USP6NL: variants seen among roughly 807,000 people sequenced by gnomAD.
The protein encoded by USP6NL is USP6 N-terminal like.
USP6NL carries 26 observed loss-of-function variants against 61.9 expected under a neutral mutation model. The observed-to-expected ratio is 0.42, with a 90% CI of 0.31 to 0.58. The LOEUF is 0.58. USP6NL is among the 20% of genes least tolerant of loss of function. USP6NL has a pLI of 0.16. For synonymous variants in USP6NL, 432 were observed against 390.1 expected, an observed-to-expected ratio of 1.11 and a Z score of -1.27; for missense variants, 1,114 against 1,034.3, an observed-to-expected ratio of 1.08 and a Z score of -1.06.
rs1035982697 is a variant in USP6NL, at chr10:11,540,469, T to C, written c.5-12902A>G. Among the ~76,000 whole-genome samples, 1 of 152,216 alleles carries C rather than the reference T, an allele frequency of 6.6e-6. No homozygotes were observed. The highest frequency in any genetic ancestry group is 1.5e-5 in the Non-Finnish European group (1 of 68,030). ...TCCCATGACTACAGAAAGGGCTCTATTGAATCTACTTCATTCACTTAGTTT... is the reference window on the plus strand; with the variant it reads ...TCCCATGACTACAGAAAGGGCTCTACTGAATCTACTTCATTCACTTAGTTT... On this transcript the variant is annotated intron_variant, in intron 2 of 14. Transcript: ENST00000609104. The surrounding 1 kb of genome is among the most constrained non-coding windows in gnomAD (Gnocchi z 5.0).
intron 8 of USP6NL, 57 bp downstream of exon 8, chr10:11,493,062 T>C: frequency 6.9e-7 from 1 of 1,459,294 alleles, no homozygotes; most frequent in Non-Finnish European, 9.4e-7. Flanking sequence ...TAATTTTAAG[T>C]TAATAAAGAC....
Position 11,596,720 on chromosome 10 carries a change from GA to G in USP6NL, c.4+910del, listed in dbSNP as rs1838341423. The stretch of plus-strand genomic sequence containing the variant: ...TACACTACCGAAAAAGTATACCACT[GA>G]AAAGTCAAAAATCAAAGACCGTTCC... On this transcript the variant is annotated intron_variant, in intron 2 of 14. Coordinates refer to ENST00000609104, the MANE Select transcript of USP6NL (RefSeq NM_014688.5). This position sits in a 1 kb window ranked among gnomAD's most constrained non-coding sequence, Gnocchi z 4.1. Among the ~76,000 whole-genome samples the G allele has an allele frequency of 6.6e-6, 1 of 151,760 alleles. No homozygotes were observed. Among genetic ancestry groups the G allele is most frequent in the Non-Finnish European group, 1.5e-5 (1 of 67,960 alleles).
In USP6NL at chr10:11,489,609, A is replaced by T. The variant is rs1010809091; in HGVS notation, c.544-387T>A. Among the ~76,000 whole-genome samples, 1 of 152,148 alleles carries T rather than the reference A, an allele frequency of 6.6e-6. No individual in the cohort carries two copies. Among genetic ancestry groups the T allele is most frequent in the African/African-American group, 2.4e-5 (1 of 41,420 alleles). On this transcript the variant is annotated intron_variant, in intron 9 of 14. Coordinates refer to ENST00000609104, the MANE Select transcript of USP6NL (RefSeq NM_014688.5). This position sits in a 1 kb window ranked among gnomAD's most constrained non-coding sequence, Gnocchi z 5.7. ...CAGTATGCTGTCTTGTCTCCTCTAG[A>T]TTTCTGAACCCTTAAGCAGACACAT...
At chr10:11,599,607 A>T (rs1471354832) in intron 1 of USP6NL, among the ~76,000 whole-genome samples, 2 of 152,166 alleles carry the variant, frequency 1.3e-5, no homozygotes, top group African/African-American at 4.8e-5. Context: ...TAAATAATGC[A>T]TGTTTTGGAA....
intron 1 of USP6NL, among the ~76,000 whole-genome samples, chr10:11,606,915 G>A (rs1227920093): frequency 2.0e-5 from 3 of 151,614 alleles, no homozygotes; most frequent in African/African-American, 4.8e-5. Flanking sequence ...CTCAGCCTCC[G>A]AGTAGCTGGG....
At chr10:11,530,378 C>T (rs1358532677) in intron 2 of USP6NL, among the ~76,000 whole-genome samples, 6 of 152,070 alleles carry the variant, frequency 3.9e-5, no homozygotes, top group Non-Finnish European at 7.4e-5. Context: ...GCAACATATC[C>T]CAAGAAAATG....
At position 11,595,114 on chromosome 10, in the gene USP6NL, C is replaced by T. The variant is rs1313453094; in HGVS notation, c.4+2517G>A. The stretch of plus-strand genomic sequence containing the variant: ...GCGTTAAGTCCCCGATGGCATTGTT[C>T]TTTCTCTGTAGCTTCCCCTTCTTCA... On this transcript the variant is annotated intron_variant, in intron 2 of 14. Coordinates refer to ENST00000609104, the MANE Select transcript of USP6NL (RefSeq NM_014688.5). The surrounding 1 kb of genome is among the most constrained non-coding windows in gnomAD (Gnocchi z 5.3). Among the ~76,000 whole-genome samples the T allele has an allele frequency of 2.0e-5, 3 of 152,168 alleles. No homozygotes were observed. The highest frequency in any genetic ancestry group is 4.4e-5 in the Non-Finnish European group (3 of 68,038).
intron 2 of USP6NL, among the ~76,000 whole-genome samples, chr10:11,529,643 TTCAGATTTTCA>T (rs1312405705): frequency 6.6e-6 from 1 of 152,232 alleles, no homozygotes; most frequent in Non-Finnish European, 1.5e-5. Context: ...AGATGAGTTG[TTCAGATTTTCA>T]CCATGAATTA....
At chr10:11,498,069 T>C (rs1298015929) in intron 7 of USP6NL, among the ~76,000 whole-genome samples, 1 of 151,266 alleles carries the variant, frequency 6.6e-6, no homozygotes, top group Non-Finnish European at 1.5e-5. Context: ...AAACCCCATC[T>C]CTACTAAAAA....
chr10:11,507,508 G>A (rs1221586379), intron 6 of USP6NL, among the ~76,000 whole-genome samples: 2 of 152,068 alleles, frequency 1.3e-5, no homozygotes, highest in East Asian at 1.9e-4. Context: ...AGTAATATAA[G>A]AGCCTAAGGA....
At chr10:11,555,511 GA>G (rs1836679502) in intron 2 of USP6NL, among the ~76,000 whole-genome samples, 1 of 140,792 alleles carries the variant, frequency 7.1e-6, no homozygotes, top group Admixed American at 7.3e-5. Context: ...ATAAAAGATA[GA>G]AAATACATGA....
chr10:11,488,173 A>T (rs1020505293), intron 10 of USP6NL, among the ~76,000 whole-genome samples: 34 of 152,272 alleles, frequency 2.2e-4, no homozygotes, highest in African/African-American at 7.7e-4. Flanking sequence ...GTATTTTGGG[A>T]GGCTGAGGCG....
intron 10 of USP6NL, among the ~76,000 whole-genome samples, chr10:11,488,784 T>C (rs1025200187): frequency 6.6e-6 from 1 of 152,238 alleles, no homozygotes; most frequent in African/African-American, 2.4e-5. Context: ...AGGCATCTTT[T>C]ATTTCTCCCA....
chr10:11,509,907 T>C (rs961500048), intron 5 of USP6NL, among the ~76,000 whole-genome samples: 1 of 152,298 alleles, frequency 6.6e-6, no homozygotes, highest in African/African-American at 2.4e-5. Context: ...ATTATTTAAA[T>C]TTTCCAAGAC....
intron 14 of USP6NL, among the ~76,000 whole-genome samples, chr10:11,477,179 C>T (rs930148122): frequency 6.6e-6 from 1 of 151,996 alleles, no homozygotes; most frequent in African/African-American, 2.4e-5. Context: ...GCCAAGAATT[C>T]GACTTTATGG....
At chr10:11,599,352 T>G (rs1200846991) in intron 1 of USP6NL, among the ~76,000 whole-genome samples, 4 of 152,330 alleles carry the variant, frequency 2.6e-5, no homozygotes, top group South Asian at 2.1e-4. Context: ...TAATCTTAAA[T>G]TTAAAACTCC....
intron 14 of USP6NL, among the ~76,000 whole-genome samples, chr10:11,464,267 C>T (rs1436846145): frequency 6.6e-6 from 1 of 152,130 alleles, no homozygotes; most frequent in Non-Finnish European, 1.5e-5. Flanking sequence ...AATTACACGA[C>T]CTCATGTCTA....
Position 11,462,607 on chromosome 10 carries a change from T to C in USP6NL, c.2321A>G (p.Asp774Gly), listed in dbSNP as rs533000052. ...YSAFQLAPFQDHGLPAVSVDS... is the reference protein window; with the variant it reads ...YSAFQLAPFQGHGLPAVSVDS... Reference sequence around the variant, plus strand: ...TACAGAAACTGCAGGGAGGCCATGGTCCTGAAAGGGTGCGAGTTGAAAGGC... The same window carrying C: ...TACAGAAACTGCAGGGAGGCCATGGCCCTGAAAGGGTGCGAGTTGAAAGGC... Residue 774 changes from aspartate (D) to glycine (G), a missense_variant, in exon 15 of 15, where the codon GAC becomes GGC. Physicochemically the swap from Asp to Gly is moderately conservative, Grantham distance 94. Coordinates refer to ENST00000609104, the MANE Select transcript of USP6NL (RefSeq NM_014688.5). The C allele has an allele frequency of 6.2e-7, 1 of 1,614,004 alleles. No individual in the cohort carries two copies. The highest frequency in any genetic ancestry group is 8.5e-7 in the Non-Finnish European group (1 of 1,179,892).
chr10:11,519,064 CACA>C (rs936884304), intron 4 of USP6NL, among the ~76,000 whole-genome samples: 4 of 152,102 alleles, frequency 2.6e-5, no homozygotes, highest in Non-Finnish European at 2.9e-5. Flanking sequence ...CCGTCTTTTT[CACA>C]ACGATAGCTC....
Sources: gnomAD v4.1 joint callset for allele counts (sites outside exome capture counted in the v4.1 genomes callset) on GRCh38, gnomAD v4.1.1 for gene constraint, Gnocchi (gnomAD v3.1) non-coding constraint, MANE v1.5 for transcripts, NCBI Gene and HGNC (gene_info 2026-07-23, HGNC 2026-07-21) for gene names.